The following B3GALT1 variants were observed in gnomAD, a reference collection of about 807,000 sequenced individuals.
The protein encoded by B3GALT1 is beta-1,3-galactosyltransferase 1, also known as UDP-Gal:betaGlcNAc beta 1,3-galactosyltransferase, polypeptide 1.
B3GALT1 carries 10 observed loss-of-function variants against 23.2 expected under a neutral mutation model. The observed-to-expected ratio is 0.43, with a 90% CI of 0.27 to 0.73. The LOEUF (loss-of-function observed/expected upper bound fraction) is 0.73. Among genes scored for constraint, B3GALT1 ranks in the 30% least tolerant of loss-of-function variants. B3GALT1 has a pLI of 0.21. For missense variants in B3GALT1, 299 were observed against 405.4 expected, an observed-to-expected ratio of 0.74 and a Z score of 2.25; for synonymous variants, 156 against 141.5, an observed-to-expected ratio of 1.10 and a Z score of -0.73.
At chr2:167,400,186 G>GTGTGTGTGTC (rs1487329750) in intron 1 of B3GALT1, among the ~76,000 whole-genome samples, 2 of 151,484 alleles carry the variant, frequency 1.3e-5, no homozygotes, top group Admixed American at 6.6e-5. Context: ...GTGTGTGTGT[G>GTGTGTGTGTC]TGTGTGTCTG....
At chr2:167,561,244 C>A (rs1293295523) in intron 2 of B3GALT1, among the ~76,000 whole-genome samples, 1 of 152,164 alleles carries the variant, frequency 6.6e-6, no homozygotes, top group African/African-American at 2.4e-5. Context: ...TAAAGATGTT[C>A]TTTATGTACC....
intron 3 of B3GALT1, among the ~76,000 whole-genome samples, chr2:167,662,155 A>T (rs1287338086): frequency 6.6e-6 from 1 of 152,070 alleles, no homozygotes; most frequent in Non-Finnish European, 1.5e-5. Context: ...GTATAATTCA[A>T]ATAAAAATAT....
chr2:167,673,507 A>G (rs1574205378), intron 3 of B3GALT1, among the ~76,000 whole-genome samples: 1 of 152,172 alleles, frequency 6.6e-6, no homozygotes, highest in Non-Finnish European at 1.5e-5. Flanking sequence ...ATTAGATTAA[A>G]TCCCTTAGTT....
chr2:167,372,001 AAT>A (rs1222536165), intron 1 of B3GALT1, among the ~76,000 whole-genome samples: 2 of 151,720 alleles, frequency 1.3e-5, no homozygotes, highest in Non-Finnish European at 2.9e-5. Flanking sequence ...AATTTCAAAA[AAT>A]ATTTATTCGA....
chr2:167,589,846 A>G (rs575766988), intron 2 of B3GALT1, among the ~76,000 whole-genome samples: 5 of 152,310 alleles, frequency 3.3e-5, no homozygotes, highest in South Asian at 4.1e-4. Context: ...ATTGACAGTT[A>G]TAATGCTTTG....
chr2:167,768,631 T>G (rs1688017294), intron 3 of B3GALT1, among the ~76,000 whole-genome samples: 2 of 152,210 alleles, frequency 1.3e-5, no homozygotes, highest in South Asian at 4.1e-4. Context: ...ATACTCAAAC[T>G]GACATCTAGA....
intron 1 of B3GALT1, among the ~76,000 whole-genome samples, chr2:167,389,688 G>A (rs530491832): frequency 6.6e-6 from 1 of 152,116 alleles, no homozygotes; most frequent in African/African-American, 2.4e-5. Flanking sequence ...CTAGTCAGAG[G>A]CCCATGGTAT....
At chr2:167,732,989 C>T (rs540045898) in intron 3 of B3GALT1, among the ~76,000 whole-genome samples, 25 of 152,238 alleles carry the variant, frequency 1.6e-4, no homozygotes, top group Admixed American at 7.2e-4. Context: ...TTCCATTTTA[C>T]GCTGAAAGAA....
intron 2 of B3GALT1, among the ~76,000 whole-genome samples, chr2:167,495,770 A>G (rs1250201662): frequency 2.6e-5 from 4 of 152,276 alleles, no homozygotes; most frequent in African/African-American, 9.6e-5. Context: ...GATGGTGCTT[A>G]GAATTTTGGG....
chr2:167,708,661 C>CA (rs948812252), intron 3 of B3GALT1, among the ~76,000 whole-genome samples: 4 of 151,560 alleles, frequency 2.6e-5, no homozygotes, highest in African/African-American at 9.7e-5. Flanking sequence ...GACTCCATCT[C>CA]AAAAAAAAGA....
chr2:167,295,768 CGTGT>C (rs57375833), intron 1 of B3GALT1, among the ~76,000 whole-genome samples: 13,058 of 143,354 alleles, frequency 0.091, 718 homozygotes, highest in African/African-American at 0.16. Flanking sequence ...TGTGTGTGTA[CGTGT>C]GTGTGTGTGT....
At chr2:167,765,022 C>A (rs776454648) in intron 3 of B3GALT1, among the ~76,000 whole-genome samples, 7 of 152,148 alleles carry the variant, frequency 4.6e-5, no homozygotes, top group Non-Finnish European at 2.9e-5. Context: ...CCTTTACCCA[C>A]CTGCATCAGA....
chr2:167,669,415 TTC>T (rs1491011593), intron 3 of B3GALT1, among the ~76,000 whole-genome samples: 3 of 152,206 alleles, frequency 2.0e-5, no homozygotes, highest in Non-Finnish European at 2.9e-5. Context: ...TCTGGTTTTT[TTC>T]TCTGTTTTCC....
At chr2:167,459,169 A>C (rs76805419) in intron 1 of B3GALT1, among the ~76,000 whole-genome samples, 17,143 of 152,128 alleles carry the variant, frequency 0.11, 1,129 homozygotes, top group African/African-American at 0.19. Flanking sequence ...TTTTCTATAT[A>C]CATTAGTTTT....
At chr2:167,693,593 G>T (rs1265935245) in intron 3 of B3GALT1, among the ~76,000 whole-genome samples, 1 of 152,074 alleles carries the variant, frequency 6.6e-6, no homozygotes, top group Non-Finnish European at 1.5e-5. Context: ...TAGGAAAAAA[G>T]AAAGAAAATG....
intron 3 of B3GALT1, among the ~76,000 whole-genome samples, chr2:167,647,544 A>G (rs966491610): frequency 6.6e-6 from 1 of 152,208 alleles, no homozygotes; most frequent in Non-Finnish European, 1.5e-5. Context: ...TGAAACCCTT[A>G]GAAAGAGTAC....
At chr2:167,313,707 T>G (rs1696666560) in intron 1 of B3GALT1, among the ~76,000 whole-genome samples, 1 of 152,158 alleles carries the variant, frequency 6.6e-6, no homozygotes, top group Admixed American at 6.6e-5. Context: ...AGGTGGTCTC[T>G]GGTCCTATTT....
At chr2:167,564,152 G>A (rs1185556278) in intron 2 of B3GALT1, among the ~76,000 whole-genome samples, 16 of 149,208 alleles carry the variant, frequency 1.1e-4, no homozygotes, top group African/African-American at 2.7e-4. Context: ...CAGACGGGGC[G>A]GTTGCCAGGC....
At chr2:167,389,501 A>T (rs895977576) in intron 1 of B3GALT1, among the ~76,000 whole-genome samples, 2 of 152,066 alleles carry the variant, frequency 1.3e-5, no homozygotes, top group African/African-American at 4.8e-5. Flanking sequence ...CAACTTGCTG[A>T]TGCTACCGCT....
Sources: gnomAD v4.1 joint callset for allele counts (sites outside exome capture counted in the v4.1 genomes callset) on GRCh38, gnomAD v4.1.1 for gene constraint, MANE v1.5 for transcripts, NCBI Gene and HGNC (gene_info 2026-07-23, HGNC 2026-07-21) for gene names.